The following GALNTL6 variants were observed in gnomAD, a reference collection of about 807,000 sequenced individuals.
The protein encoded by GALNTL6 is polypeptide N-acetylgalactosaminyltransferase-like 6.
GALNTL6 carries 46 observed loss-of-function variants against 73.7 expected under a neutral mutation model. That is an observed-to-expected ratio of 0.62 (90% confidence interval 0.49 to 0.80). GALNTL6 has a LOEUF of 0.80. Ranked by LOEUF, GALNTL6 falls within the 30% of genes least tolerant of loss-of-function variation. GALNTL6 has a pLI of 0.00. For synonymous variants in GALNTL6, 259 were observed against 263.7 expected (o/e 0.98, Z 0.17); for missense variants, 604 against 755.0 (o/e 0.80, Z 2.34).
chr4:172,285,036 A>G (rs1293418082), intron 3 of GALNTL6, among the ~76,000 whole-genome samples: 1 of 152,176 alleles, frequency 6.6e-6, no homozygotes, highest in Non-Finnish European at 1.5e-5. Context: ...TTTGCATAGT[A>G]TGGTCATTGT....
intron 8 of GALNTL6, among the ~76,000 whole-genome samples, chr4:172,887,791 T>A (rs900400886): frequency 6.6e-6 from 1 of 152,150 alleles, no homozygotes; most frequent in East Asian, 1.9e-4. Context: ...TTTGAACTCC[T>A]GACCACAGGT....
chr4:173,003,879 C>G (rs1474426588), intron 10 of GALNTL6, among the ~76,000 whole-genome samples: 1 of 152,186 alleles, frequency 6.6e-6, no homozygotes, highest in Non-Finnish European at 1.5e-5. Flanking sequence ...CTCTTCAGGT[C>G]TCACTTAGCA....
intron 10 of GALNTL6, among the ~76,000 whole-genome samples, chr4:172,978,042 T>C (rs1383448034): frequency 1.3e-5 from 2 of 152,302 alleles, no homozygotes; most frequent in South Asian, 2.1e-4. Flanking sequence ...GATTTCACCA[T>C]GTTGGCCAAG....
chr4:172,012,461 A>T (rs1741042696), intron 2 of GALNTL6, among the ~76,000 whole-genome samples: 1 of 152,050 alleles, frequency 6.6e-6, no homozygotes, highest in Non-Finnish European at 1.5e-5. Context: ...ATTTTCTGTG[A>T]TGTTTTTTTC....
rs1489496993 is a variant in GALNTL6 at position 172,961,989 on chromosome 4, C to T, written c.1371+9731C>T. Reference sequence around the variant, plus strand: ...CACCAGGGTGCAGGTGGGCTGAGTCCGAAAAGAGAGTCAGCAAAGGGAGAT... The same window carrying T: ...CACCAGGGTGCAGGTGGGCTGAGTCTGAAAAGAGAGTCAGCAAAGGGAGAT... On this transcript the variant is annotated intron_variant, in intron 10 of 12. Transcript: ENST00000506823. Among the ~76,000 whole-genome samples the T allele has an allele frequency of 2.0e-5, 3 of 152,162 alleles. No homozygotes were observed. The East Asian group carries it at 5.8e-4, about 29-fold the overall frequency.
At chr4:172,706,954 A>G (rs1734393490) in intron 5 of GALNTL6, among the ~76,000 whole-genome samples, 1 of 152,124 alleles carries the variant, frequency 6.6e-6, no homozygotes, top group Non-Finnish European at 1.5e-5. Context: ...TTCAACCTAC[A>G]TGCACTTGCA....
chr4:172,381,829 A>C (rs1247589195), intron 5 of GALNTL6, among the ~76,000 whole-genome samples: 1 of 152,230 alleles, frequency 6.6e-6, no homozygotes, highest in African/African-American at 2.4e-5. Flanking sequence ...GGTATGAAGA[A>C]AATCATTTTA....
intron 3 of GALNTL6, among the ~76,000 whole-genome samples, chr4:172,275,567 A>G (rs143117395): frequency 6.2e-4 from 95 of 152,344 alleles, no homozygotes; most frequent in African/African-American, 2.1e-3. Context: ...CTGCCATCTA[A>G]TAAGTGCTCA....
intron 2 of GALNTL6, among the ~76,000 whole-genome samples, chr4:172,209,854 G>A (rs1400801496): frequency 1.3e-5 from 2 of 151,870 alleles, no homozygotes. Flanking sequence ...AAGACTTCTT[G>A]GTGCATTAGA....
At chr4:172,955,220 G>A (rs552351394) in intron 10 of GALNTL6, among the ~76,000 whole-genome samples, 64 of 152,316 alleles carry the variant, frequency 4.2e-4, no homozygotes, top group Middle Eastern at 6.8e-3. Flanking sequence ...GTTCACGCCT[G>A]TAATCCCAGC....
chr4:172,556,536 A>G (rs900131468), intron 5 of GALNTL6, among the ~76,000 whole-genome samples: 7 of 152,104 alleles, frequency 4.6e-5, no homozygotes, highest in African/African-American at 1.7e-4. Flanking sequence ...ACATACTTAC[A>G]TAAAAAATTA....
intron 2 of GALNTL6, among the ~76,000 whole-genome samples, chr4:172,069,459 C>T (rs13113560): frequency 0.7 from 50,953 of 72,610 alleles, 23,072 homozygotes; most frequent in South Asian, 0.84. Flanking sequence ...ATATATAACA[C>T]ACATATAACA....
rs562300659 is a variant in GALNTL6, at chr4:172,176,337, C to CAAAAAAAAAAAAAAAAAAAAAAA, written c.139-53300_139-53299insAAAAAAAAAAAAAAAAAAAAAAA. On this transcript the variant is annotated intron_variant, in intron 2 of 12. Coordinates refer to ENST00000506823, the MANE Select transcript of GALNTL6 (RefSeq NM_001034845.3). ...CCTGGGCGACAGCGAGACTCCGTCT[C>CAAAAAAAAAAAAAAAAAAAAAAA]AAAAAAAAAAAAAAAAAAAGAGTGT... 2.6e-4 allele frequency among the ~76,000 whole-genome samples: 8 copies of CAAAAAAAAAAAAAAAAAAAAAAA among 31,362 alleles called. 1 individual carries two copies. The highest frequency in any genetic ancestry group is 5.6e-4 in the African/African-American group (4 of 7,138). 20.6% of individuals were successfully genotyped at this position (31,362 alleles called of 152,430 possible).
chr4:172,236,271 A>C (rs1737236266), intron 3 of GALNTL6, among the ~76,000 whole-genome samples: 1 of 152,202 alleles, frequency 6.6e-6, no homozygotes, highest in African/African-American at 2.4e-5. Flanking sequence ...ACTAATCTTT[A>C]TAAAAGTATA....
At chr4:172,484,546 T>A (rs1733606146) in intron 5 of GALNTL6, among the ~76,000 whole-genome samples, 1 of 152,012 alleles carries the variant, frequency 6.6e-6, no homozygotes. Context: ...TATTTAATGA[T>A]TTTTTTTCTG....
intron 2 of GALNTL6, among the ~76,000 whole-genome samples, chr4:171,944,839 A>G (rs1249654840): frequency 6.6e-6 from 1 of 152,024 alleles, no homozygotes; most frequent in African/African-American, 2.4e-5. Context: ...CCTGTACTTA[A>G]TAATTTGTCT....
At chr4:173,022,030 AGAAGGAAGGAAGGAAG>A (rs750348404) in intron 12 of GALNTL6, among the ~76,000 whole-genome samples, 1,354 of 69,214 alleles carry the variant, frequency 0.02, 26 homozygotes, top group East Asian at 0.057. Context: ...AAGGAAGGAA[AGAAGGAAGGAAGGAAG>A]GAAGGAAGGA....
chr4:172,817,778 C>A (rs1579520960), intron 7 of GALNTL6, among the ~76,000 whole-genome samples: 1 of 152,292 alleles, frequency 6.6e-6, no homozygotes. Context: ...AGGCATCCAA[C>A]CTCTGCAGTA....
At chr4:172,203,613 A>C (rs1264455729) in intron 2 of GALNTL6, among the ~76,000 whole-genome samples, 1 of 152,168 alleles carries the variant, frequency 6.6e-6, no homozygotes, top group African/African-American at 2.4e-5. Context: ...AATATATTAC[A>C]TCATTTTCCC....
Sources: gnomAD v4.1 joint callset for allele counts (sites outside exome capture counted in the v4.1 genomes callset) on GRCh38, gnomAD v4.1.1 for gene constraint, MANE v1.5 for transcripts, NCBI Gene and HGNC (gene_info 2026-07-23, HGNC 2026-07-21) for gene names.